OXR1: variants seen among roughly 807,000 people sequenced by gnomAD.
The protein encoded by OXR1 is oxidation resistance 1.
OXR1 carries 41 observed loss-of-function variants against 104.6 expected under a neutral mutation model. That is an observed-to-expected ratio of 0.39 (90% confidence interval 0.31 to 0.51). OXR1 has a LOEUF of 0.51. Among genes scored for constraint, OXR1 ranks in the 20% least tolerant of loss-of-function variants. OXR1 has a pLI of 0.77. For synonymous variants in OXR1, 348 were observed against 348.4 expected (o/e 1.00, Z 0.01); for missense variants, 955 against 1,031.9 (o/e 0.93, Z 1.02).
intron 2 of OXR1, among the ~76,000 whole-genome samples, chr8:106,407,962 G>A (rs928940958): frequency 6.6e-6 from 1 of 152,126 alleles, no homozygotes; most frequent in Non-Finnish European, 1.5e-5. Flanking sequence ...ATCAGTTACA[G>A]CCACAGTTCT....
chr8:106,409,784 A>G (rs1184716544), intron 2 of OXR1, among the ~76,000 whole-genome samples: 2 of 152,194 alleles, frequency 1.3e-5, no homozygotes, highest in Non-Finnish European at 2.9e-5. Context: ...TCTGGAGTAC[A>G]TAAAAATAAG....
intron 3 of OXR1, among the ~76,000 whole-genome samples, chr8:106,677,024 T>G: frequency 6.6e-6 from 1 of 152,094 alleles, no homozygotes; most frequent in East Asian, 1.9e-4. Flanking sequence ...GCAAACATGT[T>G]TAATGAATTA....
intron 2 of OXR1, among the ~76,000 whole-genome samples, chr8:106,453,723 A>G (rs1489634628): frequency 6.6e-6 from 1 of 152,248 alleles, no homozygotes; most frequent in East Asian, 1.9e-4. Flanking sequence ...CCTTTCAGCC[A>G]TAATTCAGGA....
intron 2 of OXR1, among the ~76,000 whole-genome samples, chr8:106,477,212 T>C (rs1821854280): frequency 6.6e-6 from 1 of 151,968 alleles, no homozygotes; most frequent in African/African-American, 2.4e-5. Flanking sequence ...GTACCAAACA[T>C]GATGAAAAGT....
intron 2 of OXR1, among the ~76,000 whole-genome samples, chr8:106,514,783 G>T (rs2130070071): frequency 6.6e-6 from 1 of 152,026 alleles, no homozygotes; most frequent in East Asian, 1.9e-4. Flanking sequence ...AGTTTCTGGT[G>T]ATAAAATAAT....
intron 3 of OXR1, among the ~76,000 whole-genome samples, chr8:106,532,397 T>C (rs868413736): frequency 6.6e-6 from 1 of 152,362 alleles, no homozygotes; most frequent in Middle Eastern, 3.4e-3. Flanking sequence ...GGCAGCTCTG[T>C]AACCTTGGAC....
intron 2 of OXR1, among the ~76,000 whole-genome samples, chr8:106,404,993 A>G (rs1437505828): frequency 6.6e-6 from 1 of 151,842 alleles, no homozygotes; most frequent in Admixed American, 6.6e-5. Context: ...CTTGGTTCTT[A>G]TAAGTGATGG....
At chr8:106,502,359 A>G (rs976970918) in intron 2 of OXR1, among the ~76,000 whole-genome samples, 3 of 152,332 alleles carry the variant, frequency 2.0e-5, no homozygotes, top group South Asian at 2.1e-4. Context: ...TTCGTCTGCT[A>G]TAAGATATAG....
At chr8:106,386,949 G>A (rs986258034) in intron 2 of OXR1, among the ~76,000 whole-genome samples, 5 of 152,134 alleles carry the variant, frequency 3.3e-5, no homozygotes, top group African/African-American at 9.7e-5. Context: ...ATGATTGGAG[G>A]TGGGAATGAA....
At chr8:106,722,476 A>G (rs533669751) in intron 11 of OXR1, among the ~76,000 whole-genome samples, 1 of 152,326 alleles carries the variant, frequency 6.6e-6, no homozygotes, top group East Asian at 1.9e-4. Flanking sequence ...CTTTCATAAT[A>G]CGGTCATGCA....
intron 2 of OXR1, among the ~76,000 whole-genome samples, chr8:106,458,603 G>T (rs1333839147): frequency 6.6e-6 from 1 of 152,074 alleles, no homozygotes; most frequent in Non-Finnish European, 1.5e-5. Context: ...GAACTGTAGA[G>T]CTACCAGCTT....
chr8:106,486,966 T>A (rs1810699983), intron 2 of OXR1, among the ~76,000 whole-genome samples: 1 of 151,918 alleles, frequency 6.6e-6, no homozygotes, highest in South Asian at 2.1e-4. Flanking sequence ...CTTTGGGTAA[T>A]AGTGGGTAAA....
chr8:106,612,244 T>C (rs1820870383), intron 3 of OXR1, among the ~76,000 whole-genome samples: 1 of 152,026 alleles, frequency 6.6e-6, no homozygotes, highest in African/African-American at 2.4e-5. Context: ...ATATATAAGA[T>C]AGAAAGGAAA....
intron 2 of OXR1, among the ~76,000 whole-genome samples, chr8:106,417,830 A>G (rs1234013107): frequency 6.6e-6 from 1 of 152,174 alleles, no homozygotes; most frequent in Non-Finnish European, 1.5e-5. Context: ...AGTTTAATAA[A>G]GGGATTATTT....
chr8:106,450,493 C>G (rs1820250003), intron 2 of OXR1, among the ~76,000 whole-genome samples: 1 of 152,116 alleles, frequency 6.6e-6, no homozygotes, highest in African/African-American at 2.4e-5. Context: ...AAAGCAAAAG[C>G]TATCAAAATA....
chr8:106,672,538 AAAAAG>A (rs1827143682), intron 3 of OXR1, among the ~76,000 whole-genome samples: 1 of 148,802 alleles, frequency 6.7e-6, no homozygotes, highest in African/African-American at 2.4e-5. Flanking sequence ...GAGAGAAAAG[AAAAAG>A]AAAAGAAAGA....
intron 1 of OXR1, among the ~76,000 whole-genome samples, chr8:106,311,562 T>C (rs1005522298): frequency 6.6e-6 from 1 of 152,206 alleles, no homozygotes; most frequent in Non-Finnish European, 1.5e-5. Context: ...TACTAGACTA[T>C]TGGTTTAACT....
At chr8:106,747,964 T>C (rs1389830784) in intron 16 of OXR1, among the ~76,000 whole-genome samples, 2 of 152,212 alleles carry the variant, frequency 1.3e-5, no homozygotes, top group African/African-American at 4.8e-5. Flanking sequence ...CCTTTCATAT[T>C]TAGCAGAAGG....
chr8:106,732,206 T>A (rs979400938), intron 11 of OXR1, among the ~76,000 whole-genome samples: 6 of 152,158 alleles, frequency 3.9e-5, no homozygotes, highest in Non-Finnish European at 4.4e-5. Flanking sequence ...GACCATTGAC[T>A]TTTGCATATT....
Sources: gnomAD v4.1 joint callset for allele counts (sites outside exome capture counted in the v4.1 genomes callset) on GRCh38, gnomAD v4.1.1 for gene constraint, MANE v1.5 for transcripts, NCBI Gene and HGNC (gene_info 2026-07-23, HGNC 2026-07-21) for gene names.